The following LAMTOR3 variants were observed in gnomAD, a reference collection of about 807,000 sequenced individuals.
The protein encoded by LAMTOR3 is late endosomal/lysosomal adaptor, MAPK and MTOR activator 3, also known as ragulator complex protein LAMTOR3.
A neutral mutation model predicts 20.3 loss-of-function variants in LAMTOR3; 14 were observed. The observed-to-expected ratio is 0.69, with a 90% CI of 0.46 to 1.08. The LOEUF is 1.08. Ranked by LOEUF, LAMTOR3 falls within the 50% of genes least tolerant of loss-of-function variation. LAMTOR3 has a pLI of 0.00. For synonymous variants in LAMTOR3, 40 were observed against 49.4 expected, an observed-to-expected ratio of 0.81 and a Z score of 0.80; for missense variants, 125 against 143.7, an observed-to-expected ratio of 0.87 and a Z score of 0.67.
In LAMTOR3 at chr4:99,880,464, A is replaced by G. The variant is rs1292882213; in HGVS notation, c.*1530T>C. The G allele has an allele frequency of 6.6e-6, 1 of 152,060 alleles. No individual in the cohort carries two copies. The highest frequency in any genetic ancestry group is 1.5e-5 in the Non-Finnish European group (1 of 68,040). The allele number at this position is 152,060 out of a possible 1,614,324, so 9.4% of individuals were successfully genotyped here. On this transcript the variant is annotated 3_prime_UTR_variant, in exon 7 of 7. Transcript: ENST00000499666. Reference sequence around the variant, plus strand: ...ACAAATTTGCCAAGTGCGATGGTGTAAGCCTGTAATCCCAGCTACAAGGGA... The same window carrying G: ...ACAAATTTGCCAAGTGCGATGGTGTGAGCCTGTAATCCCAGCTACAAGGGA...
chr4:99,889,939 T>G (rs767312131), intron 3 of LAMTOR3, among the ~76,000 whole-genome samples: 1 of 152,098 alleles, frequency 6.6e-6, no homozygotes, highest in Admixed American at 6.5e-5. Flanking sequence ...ATCAAGAAAG[T>G]AGAAAAATTA....
At chr4:99,883,919 C>T in intron 6 of LAMTOR3, 143 bp downstream of exon 6, 1 of 599,084 alleles carries the variant, frequency 1.7e-6, no homozygotes, top group Non-Finnish European at 3.0e-6. Context: ...TTTCCCAAGA[C>T]ATGGAAAAAA....
intron 3 of LAMTOR3, 35 bp downstream of exon 3, chr4:99,891,965 A>G: frequency 6.4e-7 from 1 of 1,559,362 alleles, no homozygotes. Flanking sequence ...TATGGCATAT[A>G]GAATTTATTC....
intron 6 of LAMTOR3, 116 bp downstream of exon 6, chr4:99,883,946 C>T (rs1724872762): frequency 2.9e-6 from 2 of 698,648 alleles, no homozygotes; most frequent in Admixed American, 5.5e-5. Context: ...GAAACTGGGC[C>T]ACAAGTTCAA....
chr4:99,894,545 C>A (rs1049057761), upstream of LAMTOR3: 1 of 149,978 alleles, frequency 6.7e-6, no homozygotes, highest in Admixed American at 6.6e-5. Flanking sequence ...CCCCTCCCCT[C>A]CCCCCCGCCC....
At position 99,880,846 on chromosome 4, in the gene LAMTOR3, G is replaced by C. The variant is rs962925903; in HGVS notation, c.*1148C>G. 3 of 152,258 alleles carry C rather than the reference G, an allele frequency of 2.0e-5. No homozygotes were observed. The highest frequency in any genetic ancestry group is 4.4e-5 in the Non-Finnish European group (3 of 68,088). 9.4% of individuals were successfully genotyped at this position (152,258 alleles called of 1,614,324 possible). On this transcript the variant is annotated 3_prime_UTR_variant, in exon 7 of 7. Transcript: ENST00000499666. ...AACTGATTGTCAAAGAGCCTAGAAA[G>C]AAATTAACTCTGAATGATAGACTGC...
chr4:99,891,453 T>C (rs1164041151), intron 3 of LAMTOR3, among the ~76,000 whole-genome samples: 3 of 152,314 alleles, frequency 2.0e-5, no homozygotes, highest in South Asian at 2.1e-4. Flanking sequence ...TAAATAATTA[T>C]GTAATTAACA....
chr4:99,893,013 G>A (rs1306090555), intron 2 of LAMTOR3, among the ~76,000 whole-genome samples: 1 of 151,876 alleles, frequency 6.6e-6, no homozygotes, highest in Non-Finnish European at 1.5e-5. Flanking sequence ...ATGACAATGT[G>A]TGTCAAGTGT....
chr4:99,889,756 C>G (rs974199443), intron 3 of LAMTOR3, among the ~76,000 whole-genome samples: 4 of 151,964 alleles, frequency 2.6e-5, no homozygotes, highest in African/African-American at 9.7e-5. Flanking sequence ...ACTACTTACC[C>G]CCAAAATAAA....
intron 3 of LAMTOR3, among the ~76,000 whole-genome samples, chr4:99,891,193 A>G (rs1725015706): frequency 6.6e-6 from 1 of 152,196 alleles, no homozygotes; most frequent in South Asian, 2.1e-4. Flanking sequence ...CTATTTCATC[A>G]TATCACCAGC....
In LAMTOR3 at chr4:99,878,411, T is replaced by C. The variant is rs997575737; in HGVS notation, c.*3583A>G. ...TTTTATTGTTTGTTGAAATATTTTA[T>C]TTCTAATTTTATTATTTTTGAACAG... On this transcript the variant is annotated 3_prime_UTR_variant, in exon 7 of 7. Coordinates refer to ENST00000499666, the MANE Select transcript of LAMTOR3 (RefSeq NM_021970.4). 13 of 152,334 alleles carry C rather than the reference T, an allele frequency of 8.5e-5. No homozygotes were observed. Among genetic ancestry groups the C allele is most frequent in the African/African-American group, 2.9e-4 (12 of 41,570 alleles). The allele number at this position is 152,334 out of a possible 1,614,324, so 9.4% of individuals were successfully genotyped here.
intron 1 of LAMTOR3, 51 bp from the exon 2 acceptor site, chr4:99,894,051 C>T (rs754914007): frequency 5.8e-6 from 7 of 1,199,884 alleles, no homozygotes; most frequent in Non-Finnish European, 8.1e-6. Flanking sequence ...CCTCGTCCTC[C>T]CCACCCACAA....
Position 99,881,475 on chromosome 4 carries a change from G to A in LAMTOR3, c.*519C>T, listed in dbSNP as rs1233371995. ...ATTCATCTATACTGCAAAATAATAT[G>A]TACAAAGGAAAGTTAGTGATTGTAC... On this transcript the variant is annotated 3_prime_UTR_variant, in exon 7 of 7. Coordinates refer to ENST00000499666, the MANE Select transcript of LAMTOR3 (RefSeq NM_021970.4). 6.5e-6 allele frequency: 1 copy of A among 152,848 alleles called. No individual in the cohort carries two copies. Among genetic ancestry groups the A allele is most frequent in the Non-Finnish European group, 1.5e-5 (1 of 68,482 alleles). 9.5% of individuals were successfully genotyped at this position (152,848 alleles called of 1,614,324 possible). A position where few individuals can be genotyped will look rare whatever the true frequency, so the allele number is the denominator to read the frequency against.
chr4:99,890,420 G>T (rs1465744720), intron 3 of LAMTOR3, among the ~76,000 whole-genome samples: 1 of 152,120 alleles, frequency 6.6e-6, no homozygotes, highest in African/African-American at 2.4e-5. Flanking sequence ...AGGCACTGAG[G>T]TACAACAGTT....
chr4:99,884,213 T>C (rs142750923), intron 5 of LAMTOR3, 88 bp from the exon 6 acceptor site: 20 of 979,820 alleles, frequency 2.0e-5, no homozygotes, highest in Middle Eastern at 2.8e-4. Context: ...TCAAAAACTT[T>C]AAAATCATCA....
At chr4:99,883,930 GAC>G in intron 6 of LAMTOR3, 130 bp downstream of exon 6, 3 of 626,330 alleles carry the variant, frequency 4.8e-6, no homozygotes, top group South Asian at 2.1e-5. Context: ...ATGGAAAAAA[GAC>G]AGTGAAACTG....
intron 3 of LAMTOR3, among the ~76,000 whole-genome samples, chr4:99,890,789 G>A (rs969565847): frequency 3.3e-5 from 5 of 152,080 alleles, no homozygotes; most frequent in African/African-American, 1.2e-4. Context: ...ATTCAAAGAA[G>A]AAGCAAGCAT....
chr4:99,883,774 T>C (rs1724869579), intron 6 of LAMTOR3, among the ~76,000 whole-genome samples: 1 of 146,366 alleles, frequency 6.8e-6, no homozygotes, highest in Non-Finnish European at 1.5e-5. Context: ...AATTTTCCTG[T>C]CTCCAAAAAA....
chr4:99,883,526 T>C (rs1238108602), intron 6 of LAMTOR3, among the ~76,000 whole-genome samples: 3 of 152,072 alleles, frequency 2.0e-5, no homozygotes, highest in African/African-American at 4.8e-5. Flanking sequence ...TACAGCTTCC[T>C]AGCATTTGTT....
Sources: gnomAD v4.1 joint callset for allele counts (sites outside exome capture counted in the v4.1 genomes callset) on GRCh38, gnomAD v4.1.1 for gene constraint, MANE v1.5 for transcripts, NCBI Gene and HGNC (gene_info 2026-07-23, HGNC 2026-07-21) for gene names.